DYM: variants seen among roughly 807,000 people sequenced by gnomAD.
The protein encoded by DYM is dymeclin.
Under a neutral mutation model 93.1 loss-of-function variants are expected in DYM, and 78 were observed. The ratio of observed to expected loss-of-function variants is 0.84; its 90% confidence interval spans 0.70 to 1.01. The LOEUF is 1.01. DYM is among the 50% of genes least tolerant of loss of function. DYM has a pLI of 0.00. For missense variants in DYM, 789 were observed against 845.0 expected (o/e 0.93, Z 0.82); for synonymous variants, 321 against 319.7 (o/e 1.00, Z -0.04).
chr18:49,157,004 C>T (rs1221652713), intron 15 of DYM, among the ~76,000 whole-genome samples: 1 of 151,794 alleles, frequency 6.6e-6, no homozygotes, highest in Admixed American at 6.6e-5. Context: ...AACATGGCCC[C>T]CATTTCTTTG....
intron 8 of DYM, among the ~76,000 whole-genome samples, chr18:49,306,575 T>G (rs1234277733): frequency 6.6e-6 from 1 of 151,388 alleles, no homozygotes; most frequent in Non-Finnish European, 1.5e-5. Context: ...TGAACAGGCA[T>G]GTGATTACAC....
intron 15 of DYM, among the ~76,000 whole-genome samples, chr18:49,138,416 A>T (rs1186772546): frequency 6.6e-6 from 1 of 152,224 alleles, no homozygotes; most frequent in Non-Finnish European, 1.5e-5. Context: ...AAGATCCCAG[A>T]ACAGTTGCTA....
intron 8 of DYM, among the ~76,000 whole-genome samples, chr18:49,315,770 T>C (rs1020793548): frequency 6.6e-6 from 1 of 152,258 alleles, no homozygotes; most frequent in Non-Finnish European, 1.5e-5. Context: ...CATTTTGTTG[T>C]ACCAAAATAC....
intron 8 of DYM, among the ~76,000 whole-genome samples, chr18:49,314,045 G>A (rs1472787211): frequency 1.3e-5 from 2 of 152,110 alleles, no homozygotes; most frequent in Non-Finnish European, 2.9e-5. Flanking sequence ...ATCACCTGAG[G>A]TCAGGAGTTC....
intron 6 of DYM, among the ~76,000 whole-genome samples, chr18:49,360,388 G>C (rs2065914921): frequency 6.6e-6 from 1 of 152,102 alleles, no homozygotes; most frequent in African/African-American, 2.4e-5. Context: ...ACTTTGGGAG[G>C]CCGAGGCGGG....
chr18:49,038,924 T>C lies in DYM; in HGVS notation c.*5131A>G, dbSNP rs2070803405. 6.6e-6 allele frequency among the ~76,000 whole-genome samples: 1 copy of C among 152,230 alleles called. No individual in the cohort carries two copies. The highest frequency in any genetic ancestry group is 2.4e-5 in the African/African-American group (1 of 41,462). ...TCCCACATAAATCCTTTCATTTTCATACATTTTATTTCTCTATATATTTAA... is the reference window on the plus strand; with the variant it reads ...TCCCACATAAATCCTTTCATTTTCACACATTTTATTTCTCTATATATTTAA... On this transcript the variant is annotated 3_prime_UTR_variant, in exon 18 of 18. Transcript: ENST00000675505.
At chr18:49,051,131 T>C (rs1172237042) in intron 17 of DYM, among the ~76,000 whole-genome samples, 1 of 152,224 alleles carries the variant, frequency 6.6e-6, no homozygotes, top group Non-Finnish European at 1.5e-5. Context: ...GACCTGAGTG[T>C]GCCCTTAGAA....
intron 14 of DYM, among the ~76,000 whole-genome samples, chr18:49,195,716 G>A (rs1161459481): frequency 6.6e-6 from 1 of 152,060 alleles, no homozygotes; most frequent in Non-Finnish European, 1.5e-5. Flanking sequence ...TGATGGTCAT[G>A]GTTATCAGAT....
rs1568344536 is a variant in DYM, at chr18:49,378,719, T to C, written c.288-19A>G. On this transcript the variant is annotated intron_variant, in intron 4 of 17. Coordinates refer to ENST00000675505, the MANE Select transcript of DYM (RefSeq NM_001353214.3). ...GATGTGGCTAGAAAGACCAAAATCA[T>C]ACAAGAATCAATATTTAAACATAAG... 1 of 1,611,202 alleles carries C rather than the reference T, an allele frequency of 6.2e-7. No individual in the cohort carries two copies. The highest frequency in any genetic ancestry group is 8.5e-7 in the Non-Finnish European group (1 of 1,178,082).
At chr18:49,350,577 G>A (rs1336463022) in intron 6 of DYM, among the ~76,000 whole-genome samples, 1 of 151,926 alleles carries the variant, frequency 6.6e-6, no homozygotes, top group African/African-American at 2.4e-5. Flanking sequence ...ATGGTGGCGG[G>A]CGCCTGTAAT....
At chr18:49,059,349 G>T (rs915417376) in intron 17 of DYM, among the ~76,000 whole-genome samples, 8 of 152,208 alleles carry the variant, frequency 5.3e-5, no homozygotes, top group Non-Finnish European at 1.2e-4. Flanking sequence ...CCATTCCACA[G>T]TATTTGGTTA....
intron 13 of DYM, among the ~76,000 whole-genome samples, chr18:49,234,087 C>T (rs1228606987): frequency 6.6e-6 from 1 of 152,086 alleles, no homozygotes; most frequent in Non-Finnish European, 1.5e-5. Context: ...CGTGATCGCA[C>T]CACTGCACTC....
intron 14 of DYM, among the ~76,000 whole-genome samples, chr18:49,187,250 T>C (rs2090535840): frequency 6.6e-6 from 1 of 152,106 alleles, no homozygotes; most frequent in Non-Finnish European, 1.5e-5. Flanking sequence ...AAAGTTACTC[T>C]TGCAATCTCA....
intron 13 of DYM, among the ~76,000 whole-genome samples, chr18:49,213,263 A>G (rs550454547): frequency 1.9e-3 from 295 of 152,042 alleles, no homozygotes; most frequent in African/African-American, 6.8e-3. Context: ...TAATAATAAA[A>G]TTATAACACA....
chr18:49,160,511 T>A (rs1226864445), intron 15 of DYM, among the ~76,000 whole-genome samples: 1 of 151,110 alleles, frequency 6.6e-6, no homozygotes, highest in South Asian at 2.1e-4. Flanking sequence ...AAGTACTTAT[T>A]CAAACTCTGC....
In DYM at chr18:49,339,925, G is replaced by T. The variant is rs150463001; in HGVS notation, c.495-6072C>A. Among the ~76,000 whole-genome samples the T allele has an allele frequency of 1.5e-4, 23 of 151,934 alleles. 1 individual carries two copies. In the East Asian group the frequency reaches 4.1e-3, roughly 27 times the overall value. The stretch of plus-strand genomic sequence containing the variant: ...GAGCCACACATGGAGCAGGTTTTGG[G>T]TTTTTTTGGGGTTTTTTGTTTGTTT... On this transcript the variant is annotated intron_variant, in intron 6 of 17. Coordinates refer to ENST00000675505, the MANE Select transcript of DYM (RefSeq NM_001353214.3).
At chr18:49,166,060 T>C (rs2145133878) in intron 14 of DYM, among the ~76,000 whole-genome samples, 1 of 152,226 alleles carries the variant, frequency 6.6e-6, no homozygotes. Context: ...TCTTCTCCAT[T>C]TGAGGTTTAG....
chr18:49,356,927 A>AATTATATT (rs2065620085), intron 6 of DYM, among the ~76,000 whole-genome samples: 1 of 152,194 alleles, frequency 6.6e-6, no homozygotes, highest in Non-Finnish European at 1.5e-5. Flanking sequence ...TATTTCTAAT[A>AATTATATT]ATTATATTCT....
At chr18:49,450,220 G>A (rs1362453136) in intron 1 of DYM, among the ~76,000 whole-genome samples, 2 of 152,142 alleles carry the variant, frequency 1.3e-5, no homozygotes, top group East Asian at 1.9e-4. Context: ...AGAAAAACAC[G>A]GCAAGGCTGT....
Sources: gnomAD v4.1 joint callset for allele counts (sites outside exome capture counted in the v4.1 genomes callset) on GRCh38, gnomAD v4.1.1 for gene constraint, MANE v1.5 for transcripts, NCBI Gene and HGNC (gene_info 2026-07-23, HGNC 2026-07-21) for gene names.